The following SPATA1 variants were observed in gnomAD, a reference collection of about 807,000 sequenced individuals.
The protein encoded by SPATA1 is spermatogenesis-associated protein 1.
Under a neutral mutation model 59.6 loss-of-function variants are expected in SPATA1, and 57 were observed. The observed-to-expected ratio is 0.96, with a 90% CI of 0.77 to 1.19. The LOEUF (loss-of-function observed/expected upper bound fraction) is 1.19. Among genes scored for constraint, SPATA1 ranks in the 50% most tolerant of loss-of-function variants. The pLI, the probability that SPATA1 is intolerant of heterozygous loss-of-function variation, is 0.00. For synonymous variants in SPATA1, 147 were observed against 163.9 expected, an observed-to-expected ratio of 0.90 and a Z score of 0.79; for missense variants, 448 against 480.7, an observed-to-expected ratio of 0.93 and a Z score of 0.64.
At chr1:84,508,445 T>C (rs1479595217) in intron 1 of SPATA1, among the ~76,000 whole-genome samples, 3 of 152,250 alleles carry the variant, frequency 2.0e-5, no homozygotes, top group African/African-American at 7.2e-5. Flanking sequence ...TGTTACCAAC[T>C]GTACAGACAT....
At chr1:84,517,078 T>G (rs1682826610) in intron 2 of SPATA1, among the ~76,000 whole-genome samples, 1 of 152,178 alleles carries the variant, frequency 6.6e-6, no homozygotes, top group South Asian at 2.1e-4. Context: ...AAATTCACCT[T>G]TCATTACTAA....
chr1:84,515,444 A>T (rs886583347), intron 1 of SPATA1, among the ~76,000 whole-genome samples: 4 of 150,810 alleles, frequency 2.7e-5, no homozygotes, highest in African/African-American at 9.8e-5. Flanking sequence ...GATCAGAGGA[A>T]TTTTAAGTTT....
At chr1:84,516,849 G>GT (rs1682813744) in intron 2 of SPATA1, among the ~76,000 whole-genome samples, 1 of 152,040 alleles carries the variant, frequency 6.6e-6, no homozygotes, top group Non-Finnish European at 1.5e-5. Flanking sequence ...GTATACCATC[G>GT]TAAGTACCAT....
chr1:84,537,164 C>T (rs779036196), intron 8 of SPATA1, among the ~76,000 whole-genome samples: 4 of 152,144 alleles, frequency 2.6e-5, no homozygotes, highest in Non-Finnish European at 5.9e-5. Flanking sequence ...AGGCGTGAGC[C>T]ACCACGCCCG....
At chr1:84,533,265 T>C (rs1169809429) in intron 7 of SPATA1, among the ~76,000 whole-genome samples, 1 of 152,146 alleles carries the variant, frequency 6.6e-6, no homozygotes, top group African/African-American at 2.4e-5. Context: ...TTAGAACTAA[T>C]TATCCTGCCT....
intron 9 of SPATA1, among the ~76,000 whole-genome samples, chr1:84,544,790 G>T (rs1684029861): frequency 6.6e-6 from 1 of 151,586 alleles, no homozygotes; most frequent in African/African-American, 2.4e-5. Flanking sequence ...CAAACTCCTG[G>T]CCTCAAGTGA....
At chr1:84,536,878 TTTC>T (rs1683713722) in intron 8 of SPATA1, among the ~76,000 whole-genome samples, 1 of 93,368 alleles carries the variant, frequency 1.1e-5, no homozygotes, top group African/African-American at 3.8e-5. Context: ...TTTTTTCTTT[TTTC>T]TTTTTTTTTT....
downstream of SPATA1, chr1:84,554,582 T>C (rs1165122050): frequency 6.1e-6 from 1 of 164,746 alleles, no homozygotes; most frequent in African/African-American, 2.4e-5. Context: ...GGGAAAAGTA[T>C]AGCACAAACT....
At chr1:84,525,290 G>C (rs1683171358) in intron 4 of SPATA1, among the ~76,000 whole-genome samples, 1 of 152,144 alleles carries the variant, frequency 6.6e-6, no homozygotes, top group Non-Finnish European at 1.5e-5. Context: ...TAAATAAATA[G>C]ATAAATAACA....
intron 6 of SPATA1, 105 bp downstream of exon 6, chr1:84,526,178 C>A: frequency 1.1e-6 from 1 of 911,044 alleles, no homozygotes; most frequent in Non-Finnish European, 1.6e-6. Flanking sequence ...CAAATATAGG[C>A]AGTTTAAAAA....
At chr1:84,564,472 G>C (rs1316514024) in intron 4 of SPATA1, among the ~76,000 whole-genome samples, 1 of 151,976 alleles carries the variant, frequency 6.6e-6, no homozygotes. Context: ...ATGTTATTAT[G>C]TACTATTAAA....
At chr1:84,558,494 T>G (rs1212806853), downstream of SPATA1, among the ~76,000 whole-genome samples, 1 of 151,192 alleles carries the variant, frequency 6.6e-6, no homozygotes, top group Non-Finnish European at 1.5e-5. Context: ...GGTTTCACCG[T>G]TTTAGCCGGG....
At chr1:84,536,816 A>C (rs1251114104) in intron 8 of SPATA1, among the ~76,000 whole-genome samples, 1 of 151,838 alleles carries the variant, frequency 6.6e-6, no homozygotes, top group Non-Finnish European at 1.5e-5. Context: ...AAAAAACCTT[A>C]TAGTGGCTGT....
chr1:84,556,769 C>T (rs17111476), downstream of SPATA1, among the ~76,000 whole-genome samples: 935 of 149,328 alleles, frequency 6.3e-3, 9 homozygotes, highest in African/African-American at 0.021. Context: ...TAAATGAATA[C>T]ACTGCGGCAT....
intron 6 of SPATA1, 28 bp downstream of exon 6, chr1:84,526,101 A>T (rs769102322): frequency 1.3e-6 from 2 of 1,561,746 alleles, no homozygotes; most frequent in African/African-American, 2.7e-5. Context: ...TGGGAAAAAG[A>T]AAGAGGCTAT....
intron 12 of SPATA1, chr1:84,552,828 A>G (rs749927906): frequency 5.8e-5 from 27 of 466,344 alleles, no homozygotes; most frequent in African/African-American, 8.1e-5. Context: ...ACCTTATAGC[A>G]TATCTCACCA....
At chr1:84,514,131 C>A (rs1682694902) in intron 1 of SPATA1, among the ~76,000 whole-genome samples, 1 of 152,168 alleles carries the variant, frequency 6.6e-6, no homozygotes, top group East Asian at 1.9e-4. Context: ...AGGCACAAGC[C>A]ACCACGCCCG....
chr1:84,518,713 T>G (rs2101930514), intron 2 of SPATA1, among the ~76,000 whole-genome samples: 1 of 151,968 alleles, frequency 6.6e-6, no homozygotes, highest in Admixed American at 6.6e-5. Flanking sequence ...ACCTTTATTT[T>G]ATCTCTTTCT....
intron 4 of SPATA1, among the ~76,000 whole-genome samples, chr1:84,523,001 C>T (rs1015663786): frequency 6.6e-6 from 1 of 151,870 alleles, no homozygotes; most frequent in Admixed American, 6.6e-5. Flanking sequence ...ACCTCCACCC[C>T]TCAGGTTCAA....
Sources: gnomAD v4.1 joint callset for allele counts (sites outside exome capture counted in the v4.1 genomes callset) on GRCh38, gnomAD v4.1.1 for gene constraint, MANE v1.5 for transcripts, NCBI Gene and HGNC (gene_info 2026-07-23, HGNC 2026-07-21) for gene names.